The following TRIM9 variants were observed in gnomAD, a reference collection of about 807,000 sequenced individuals.
TRIM9 encodes the protein E3 ubiquitin-protein ligase TRIM9.
Under a neutral mutation model 78.3 loss-of-function variants are expected in TRIM9, and 26 were observed. That is an observed-to-expected ratio of 0.33 (90% CI 0.24 to 0.46). The LOEUF is 0.46. TRIM9 is among the 20% of genes least tolerant of loss of function. TRIM9 has a pLI of 1.00. For synonymous variants in TRIM9, 398 were observed against 416.5 expected (o/e 0.96, Z 0.54); for missense variants, 787 against 1,036.4 (o/e 0.76, Z 3.30).
chr14:51,038,290 G>A (rs1370878801), intron 1 of TRIM9, among the ~76,000 whole-genome samples: 1 of 152,158 alleles, frequency 6.6e-6, no homozygotes, highest in Non-Finnish European at 1.5e-5. Flanking sequence ...TAGAGCATCC[G>A]GAAAGGAACT....
At chr14:51,077,386 G>GTTTTTTTTTTT (rs146912763) in intron 1 of TRIM9, among the ~76,000 whole-genome samples, 1 of 97,704 alleles carries the variant, frequency 1.0e-5, no homozygotes, top group Non-Finnish European at 1.9e-5. Context: ...CTCCAATTCT[G>GTTTTTTTTTTT]TTTTTTTTTT....
rs2051020482 is a variant in TRIM9 at position 50,975,392 on chromosome 14, C to G, written c.*1899G>C. Reference sequence around the variant, plus strand: ...TACAAGTCACTAGAAATCTAATTAGCAGGATGAATTTAATAAAGAACAAGA... The same window carrying G: ...TACAAGTCACTAGAAATCTAATTAGGAGGATGAATTTAATAAAGAACAAGA... On this transcript the variant is annotated 3_prime_UTR_variant, in exon 13 of 13. Coordinates refer to ENST00000684578, the MANE Select transcript of TRIM9 (RefSeq NM_001387360.1). 1 of 152,604 alleles carries G rather than the reference C, an allele frequency of 6.6e-6. No individual in the cohort carries two copies. Among genetic ancestry groups the G allele is most frequent in the Non-Finnish European group, 1.5e-5 (1 of 68,038 alleles). 9.5% of individuals were successfully genotyped at this position (152,604 alleles called of 1,614,324 possible).
chr14:51,034,802 G>A (rs546403611), intron 1 of TRIM9, among the ~76,000 whole-genome samples: 4 of 152,210 alleles, frequency 2.6e-5, no homozygotes, highest in East Asian at 3.9e-4. Context: ...CTGAATCTCC[G>A]CTGTGTTTCT....
At chr14:51,078,931 G>T (rs1484387046) in intron 1 of TRIM9, among the ~76,000 whole-genome samples, 1 of 152,146 alleles carries the variant, frequency 6.6e-6, no homozygotes, top group African/African-American at 2.4e-5. Context: ...TAAGTGAGAT[G>T]ATAGACATGT....
Position 51,095,041 on chromosome 14 carries a change from G to A in TRIM9, c.-102C>T. 1.1e-6 allele frequency: 1 copy of A among 879,646 alleles called. No individual in the cohort carries two copies. Among genetic ancestry groups the A allele is most frequent in the Non-Finnish European group, 1.5e-6 (1 of 645,704 alleles). 54.5% of individuals were successfully genotyped at this position (879,646 alleles called of 1,614,324 possible). ...GTCCAGCACCCTGGCCAGCGGCGGCGGCTGTGGTGGTGGTGCCTTCCCGCG... is the reference window on the plus strand; with the variant it reads ...GTCCAGCACCCTGGCCAGCGGCGGCAGCTGTGGTGGTGGTGCCTTCCCGCG... On this transcript the variant is annotated 5_prime_UTR_variant, in exon 1 of 13. Transcript: ENST00000684578.
intron 1 of TRIM9, among the ~76,000 whole-genome samples, chr14:51,064,471 T>C (rs897528450): frequency 4.6e-5 from 7 of 151,204 alleles, no homozygotes; most frequent in Non-Finnish European, 7.4e-5. Context: ...TAATTATCTA[T>C]AAAAAGTGTA....
At chr14:51,024,891 T>G (rs2058078423) in intron 2 of TRIM9, among the ~76,000 whole-genome samples, 1 of 152,122 alleles carries the variant, frequency 6.6e-6, no homozygotes, top group Non-Finnish European at 1.5e-5. Context: ...CTGTTACCAT[T>G]AAATGATACA....
chr14:51,089,167 C>T (rs558178493), intron 1 of TRIM9: 1 of 152,278 alleles, frequency 6.6e-6, no homozygotes, highest in South Asian at 2.1e-4. Context: ...GATTTTATTT[C>T]ACTTCCCATG....
intron 12 of TRIM9, 107 bp from the exon 13 acceptor site, chr14:50,977,460 G>T (rs911627861): frequency 1.3e-6 from 1 of 799,342 alleles, no homozygotes; most frequent in Non-Finnish European, 1.7e-6. Flanking sequence ...TGTTTGCTTC[G>T]CTTTAAACAT....
intron 1 of TRIM9, among the ~76,000 whole-genome samples, chr14:51,056,875 T>G (rs2060935461): frequency 1.3e-5 from 2 of 152,264 alleles, no homozygotes; most frequent in Non-Finnish European, 2.9e-5. Context: ...AAGGTCACTG[T>G]TTCCAGCTTC....
At chr14:51,046,099 C>T (rs559507443) in intron 1 of TRIM9, among the ~76,000 whole-genome samples, 13 of 148,326 alleles carry the variant, frequency 8.8e-5, no homozygotes, top group Middle Eastern at 3.4e-3. Flanking sequence ...TTGGAATGAC[C>T]GCGTTTTAGA....
chr14:50,979,474 A>G lies in TRIM9; in HGVS notation c.2238T>C (p.Phe746=). The G allele has an allele frequency of 6.2e-7, 1 of 1,614,210 alleles. No homozygotes were observed. Among genetic ancestry groups the G allele is most frequent in the Non-Finnish European group, 8.5e-7 (1 of 1,180,030 alleles). ...TGGGACCTTGTTGTTCATCGTTGAT[A>G]AAAAATGTCAAGTTTTTTCTATTTA... is the stretch of plus-strand genomic sequence containing the variant. ...LDLNRKNLTF[F]INDEQQGPIA... Residue 746 remains phenylalanine (F), a synonymous_variant, in exon 12 of 13, where the codon TTT becomes TTC. Coordinates refer to ENST00000684578, the MANE Select transcript of TRIM9 (RefSeq NM_001387360.1).
chr14:50,978,804 C>G (rs1006355888), intron 12 of TRIM9: 2 of 636,468 alleles, frequency 3.1e-6, no homozygotes, highest in Non-Finnish European at 3.9e-6. Flanking sequence ...ACACTTATAA[C>G]TGTGCCTGGC....
chr14:50,978,924 A>C, intron 12 of TRIM9: 1 of 1,032,756 alleles, frequency 9.7e-7, no homozygotes, highest in Middle Eastern at 4.6e-4. Flanking sequence ...TATGTTTTCT[A>C]CCCCTTAGGA....
chr14:51,059,419 G>A (rs1339863155), intron 1 of TRIM9, among the ~76,000 whole-genome samples: 2 of 151,764 alleles, frequency 1.3e-5, no homozygotes, highest in Non-Finnish European at 2.9e-5. Context: ...ACTTTTTTTT[G>A]TATTTGTTCA....
rs552388997 is a variant in TRIM9 at position 50,997,102 on chromosome 14, T to TG, written c.1603+947dup. 8.2e-4 allele frequency: 810 copies of TG among 985,274 alleles called. 6 individuals carry two copies. The African/African-American group carries it at 0.013, about 15-fold the overall frequency. 61.0% of individuals were successfully genotyped at this position (985,274 alleles called of 1,614,324 possible). On this transcript the variant is annotated intron_variant, in intron 7 of 12. Transcript: ENST00000684578. ...GAAGTTATGGAGAATCCCGGTGAGG[T>TG]GGGGGGGTGATTTCTTTGATTAAAA...
rs187202431 is a variant in TRIM9 at position 50,986,340 on chromosome 14, A to G, written c.1604-196T>C. On this transcript the variant is annotated intron_variant, in intron 7 of 12. Transcript: ENST00000684578. ...TTTCGGCAGATCAGGACCCAAGACC[A>G]GAGGACACCTCGAACAACAAAGGCA... 17 of 398,520 alleles carry G rather than the reference A, an allele frequency of 4.3e-5. No individual in the cohort carries two copies. The East Asian group carries it at 6.2e-4, about 15-fold the overall frequency. 24.7% of individuals were successfully genotyped at this position (398,520 alleles called of 1,614,324 possible).
intron 1 of TRIM9, among the ~76,000 whole-genome samples, chr14:51,038,184 T>C (rs979977488): frequency 6.6e-6 from 1 of 152,204 alleles, no homozygotes; most frequent in Non-Finnish European, 1.5e-5. Context: ...GGAACTTTCC[T>C]GACTGTGGTC....
intron 3 of TRIM9, among the ~76,000 whole-genome samples, chr14:51,016,046 T>C (rs1232463927): frequency 1.3e-5 from 2 of 152,196 alleles, no homozygotes; most frequent in Non-Finnish European, 2.9e-5. Context: ...GGGGATTGAT[T>C]CCACGATTCC....
Sources: gnomAD v4.1 joint callset for allele counts (sites outside exome capture counted in the v4.1 genomes callset) on GRCh38, gnomAD v4.1.1 for gene constraint, MANE v1.5 for transcripts, NCBI Gene and HGNC (gene_info 2026-07-23, HGNC 2026-07-21) for gene names.